The following BTRC variants were observed in gnomAD, a reference collection of about 807,000 sequenced individuals.
BTRC encodes the protein F-box/WD repeat-containing protein 1A.
Under a neutral mutation model 85.5 loss-of-function variants are expected in BTRC, and 42 were observed. The ratio of observed to expected loss-of-function variants is 0.49; its 90% CI spans 0.38 to 0.64. The LOEUF is 0.64. Ranked by LOEUF, BTRC falls within the 30% of genes least tolerant of loss-of-function variation. BTRC has a pLI of 0.00. For missense variants in BTRC, 594 were observed against 743.5 expected (o/e 0.80, Z 2.34); for synonymous variants, 255 against 263.3 (o/e 0.97, Z 0.30).
chr10:101,515,904 A>G (rs2062017128), intron 4 of BTRC, among the ~76,000 whole-genome samples: 1 of 152,192 alleles, frequency 6.6e-6, no homozygotes, highest in Non-Finnish European at 1.5e-5. Context: ...ATTCTTTTTT[A>G]ATAGGTGTAG....
chr10:101,527,480 G>C (rs1465752692), intron 6 of BTRC, among the ~76,000 whole-genome samples: 1 of 152,110 alleles, frequency 6.6e-6, no homozygotes, highest in Non-Finnish European at 1.5e-5. Context: ...TGGCCGGGTG[G>C]GGTGGCTCAC....
chr10:101,358,203 A>G (rs1349238456), intron 1 of BTRC, among the ~76,000 whole-genome samples: 2 of 152,136 alleles, frequency 1.3e-5, no homozygotes, highest in Admixed American at 6.5e-5. Flanking sequence ...CCAGGCTCAC[A>G]TGATCCTCCT....
At chr10:101,499,738 C>T (rs528306761) in intron 4 of BTRC, among the ~76,000 whole-genome samples, 5 of 151,214 alleles carry the variant, frequency 3.3e-5, no homozygotes, top group South Asian at 4.2e-4. Context: ...TGTAGGCCTA[C>T]GAGATTGCTC....
At chr10:101,511,711 A>G (rs377228964) in intron 4 of BTRC, among the ~76,000 whole-genome samples, 2 of 152,192 alleles carry the variant, frequency 1.3e-5, no homozygotes, top group African/African-American at 2.4e-5. Context: ...TAATAGAGAC[A>G]GGATTTCGCT....
At chr10:101,547,665 G>A (rs931869870) in intron 13 of BTRC, among the ~76,000 whole-genome samples, 40 of 152,012 alleles carry the variant, frequency 2.6e-4, no homozygotes, top group Non-Finnish European at 4.3e-4. Context: ...TTGCCCTTAT[G>A]TTTAGCAATT....
At chr10:101,398,437 G>A (rs562382908) in intron 1 of BTRC, among the ~76,000 whole-genome samples, 4 of 151,980 alleles carry the variant, frequency 2.6e-5, no homozygotes, top group Middle Eastern at 6.8e-3. Flanking sequence ...CGAGTAGCTG[G>A]GACTACAGGT....
At chr10:101,401,195 G>A (rs1034577474) in intron 1 of BTRC, among the ~76,000 whole-genome samples, 1 of 152,078 alleles carries the variant, frequency 6.6e-6, no homozygotes, top group Non-Finnish European at 1.5e-5. Flanking sequence ...TGATTTAAAG[G>A]GTATTTAAGT....
chr10:101,462,257 A>T (rs541982673), intron 3 of BTRC, among the ~76,000 whole-genome samples, 199 bp downstream of exon 3: 5 of 152,366 alleles, frequency 3.3e-5, no homozygotes, highest in South Asian at 4.1e-4. Flanking sequence ...GTATACATGT[A>T]CAGGACAGCT....
chr10:101,533,061 C>A lies in BTRC; in HGVS notation c.1088C>A (p.Ser363Tyr), dbSNP rs776224074. Residue 363 changes from serine (S) to tyrosine (Y), a missense_variant, in exon 9 of 15, where the codon TCC becomes TAC. By Grantham distance (144) the Ser-to-Tyr change is moderately radical (BLOSUM62 -2). This residue lies in a region of BTRC where 373 missense variants were observed against 503.6 expected (regional missense o/e 0.74). Transcript: ENST00000370187. ...GTGATCATAACAGGATCATCGGATT[C>A]CACGGTCAGGTAGAAAATTTCAAAT... Reference protein sequence around the residue: ...ERVIITGSSDSTVRVWDVNTG... With the variant: ...ERVIITGSSDYTVRVWDVNTG... 6.2e-7 allele frequency: 1 copy of A among 1,608,014 alleles called. No homozygotes were observed. Among genetic ancestry groups the A allele is most frequent in the Non-Finnish European group, 8.5e-7 (1 of 1,174,846 alleles).
chr10:101,393,862 T>C (rs376139705), intron 1 of BTRC, among the ~76,000 whole-genome samples: 15 of 152,364 alleles, frequency 9.8e-5, no homozygotes, highest in Non-Finnish European at 1.5e-4. Context: ...GAGTTCTTTG[T>C]CTTTTCTCAT....
intron 4 of BTRC, among the ~76,000 whole-genome samples, chr10:101,515,887 A>G (rs998157345): frequency 2.6e-5 from 4 of 152,170 alleles, no homozygotes; most frequent in African/African-American, 9.7e-5. Flanking sequence ...TGGTTTTCAA[A>G]AAATGTATTC....
chr10:101,488,811 A>G (rs1456687118), intron 4 of BTRC, among the ~76,000 whole-genome samples: 2 of 152,168 alleles, frequency 1.3e-5, no homozygotes, highest in African/African-American at 2.4e-5. Flanking sequence ...GTTACCAGGT[A>G]CCCACCTGGG....
chr10:101,488,308 T>C (rs1488802624), intron 4 of BTRC, among the ~76,000 whole-genome samples: 2 of 152,238 alleles, frequency 1.3e-5, no homozygotes, highest in Non-Finnish European at 2.9e-5. Context: ...ATTAGAAATT[T>C]GCTGTTTTGT....
chr10:101,406,774 TCCAC>T (rs1484906871), intron 1 of BTRC, among the ~76,000 whole-genome samples: 1 of 151,890 alleles, frequency 6.6e-6, no homozygotes, highest in African/African-American at 2.4e-5. Flanking sequence ...CCTCAGGTGA[TCCAC>T]CCACCTCAGC....
At chr10:101,401,799 C>G (rs1238723591) in intron 1 of BTRC, among the ~76,000 whole-genome samples, 1 of 146,324 alleles carries the variant, frequency 6.8e-6, no homozygotes, top group Non-Finnish European at 1.5e-5. Context: ...GATTATGCCA[C>G]TGCACTCCAG....
Position 101,516,923 on chromosome 10 carries a change from G to T in BTRC, c.325-4716G>T, listed in dbSNP as rs568502609. Among the ~76,000 whole-genome samples, 6 of 152,144 alleles carry T rather than the reference G, an allele frequency of 3.9e-5. No homozygotes were observed. In the East Asian group the frequency reaches 9.7e-4, roughly 24 times the overall value. On this transcript the variant is annotated intron_variant, in intron 4 of 14. Transcript: ENST00000370187. ...CATTTCCACCTTTTAAAAGACAAAG[G>T]GTGCATTTTAAAAGGCAAATATATA...
chr10:101,424,828 G>A (rs1944205915), intron 1 of BTRC, among the ~76,000 whole-genome samples: 1 of 152,078 alleles, frequency 6.6e-6, no homozygotes. Flanking sequence ...TTTTAAAATT[G>A]GGGTATATGT....
At chr10:101,456,297 G>C (rs1453954839) in intron 2 of BTRC, among the ~76,000 whole-genome samples, 1 of 152,102 alleles carries the variant, frequency 6.6e-6, no homozygotes, top group African/African-American at 2.4e-5. Flanking sequence ...TGTGGGTCTG[G>C]ACTAGAGTAG....
intron 3 of BTRC, among the ~76,000 whole-genome samples, chr10:101,475,885 A>T (rs1391957867): frequency 7.4e-6 from 1 of 135,918 alleles, no homozygotes; most frequent in Non-Finnish European, 1.5e-5. Context: ...AGATGCAAGT[A>T]GAAACAGAAT....
Sources: gnomAD v4.1 joint callset for allele counts (sites outside exome capture counted in the v4.1 genomes callset) on GRCh38, gnomAD v4.1.1 for gene constraint, gnomAD v4.1.1 regional missense constraint, MANE v1.5 for transcripts, NCBI Gene and HGNC (gene_info 2026-07-23, HGNC 2026-07-21) for gene names.